The following ARHGEF17 variants were observed in gnomAD, a reference collection of about 807,000 sequenced individuals.
The protein encoded by ARHGEF17 is Rho guanine nucleotide exchange factor 17.
In ARHGEF17, 80 loss-of-function variants were observed where a neutral mutation model predicts 174.0. The observed-to-expected ratio is 0.46, with a 90% CI of 0.38 to 0.55. The LOEUF (loss-of-function observed/expected upper bound fraction) is 0.55. Ranked by LOEUF, ARHGEF17 falls within the 20% of genes least tolerant of loss-of-function variation. ARHGEF17 has a pLI of 0.00. For synonymous variants in ARHGEF17, 1,311 were observed against 1,189.1 expected, an observed-to-expected ratio of 1.10 and a Z score of -2.11; for missense variants, 2,886 against 2,839.7, an observed-to-expected ratio of 1.02 and a Z score of -0.37.
intron 2 of ARHGEF17, among the ~76,000 whole-genome samples, chr11:73,348,360 C>T (rs774266972): frequency 6.6e-6 from 1 of 152,120 alleles, no homozygotes; most frequent in African/African-American, 2.4e-5. Flanking sequence ...CAGTGACCAG[C>T]CAGACATCAA....
Position 73,360,326 on chromosome 11 carries a change from G to A in ARHGEF17, c.4213G>A (p.Asp1405Asn). Residue 1405 changes from aspartate to asparagine, a missense_variant, in exon 11 of 21, where the codon GAC becomes AAC. By Grantham distance (23) the Asp-to-Asn change is conservative. Around this residue, in one of 4 missense-constraint regions of ARHGEF17, gnomAD observed 476 missense variants for 473.1 expected, o/e 1.01. Transcript: ENST00000263674. ...ESLGFPHQSL[D>N]DALRDLSAAM... The stretch of plus-strand genomic sequence containing the variant: ...TGGGCCCTCTTCCCCACAGAGCCTG[G>A]ACGATGCACTGCGGGACCTCTCAGC... 1.2e-6 allele frequency: 2 copies of A among 1,613,610 alleles called. No individual in the cohort carries two copies. The highest frequency in any genetic ancestry group is 1.7e-6 in the Non-Finnish European group (2 of 1,180,046).
chr11:73,342,215 G>C (rs1015999866), intron 1 of ARHGEF17, among the ~76,000 whole-genome samples: 2 of 151,606 alleles, frequency 1.3e-5, no homozygotes, highest in African/African-American at 4.9e-5. Context: ...GTCTAGGGGT[G>C]GGGCGGATGG....
chr11:73,348,100 G>A (rs1320733000), intron 2 of ARHGEF17, among the ~76,000 whole-genome samples: 2 of 152,278 alleles, frequency 1.3e-5, no homozygotes, highest in Admixed American at 6.5e-5. Context: ...AGCTGAAGTG[G>A]GGCCTGGCAG....
chr11:73,342,917 C>T (rs1865395073), intron 1 of ARHGEF17: 2 of 164,538 alleles, frequency 1.2e-5, no homozygotes, highest in South Asian at 2.0e-4. Flanking sequence ...CCTGGCTCGC[C>T]GGGCGCACTC....
intron 11 of ARHGEF17, 68 bp from the exon 12 acceptor site, chr11:73,361,020 G>C: frequency 7.4e-7 from 1 of 1,356,194 alleles, no homozygotes; most frequent in East Asian, 2.3e-5. Flanking sequence ...AATGGGGCAG[G>C]GGCAGGACCA....
chr11:73,341,546 A>T (rs1865369202), intron 1 of ARHGEF17, among the ~76,000 whole-genome samples: 1 of 152,122 alleles, frequency 6.6e-6, no homozygotes, highest in African/African-American at 2.4e-5. Context: ...TCCCAACCTC[A>T]GGTGATCTGC....
At chr11:73,334,135 G>A (rs1865251920) in intron 1 of ARHGEF17, among the ~76,000 whole-genome samples, 1 of 152,200 alleles carries the variant, frequency 6.6e-6, no homozygotes, top group Admixed American at 6.5e-5. Context: ...TGGGCAGCTT[G>A]CCTGAGTGCA....
rs111983158 is a variant in ARHGEF17, at chr11:73,362,857, C to A, written c.4996+123C>A. On this transcript the variant is annotated intron_variant, in intron 14 of 20. Transcript: ENST00000263674. ...CGTCAGACCTCAGGATGTTAGCACACAGAGCAATGAGGGCAGGGGATGTGA... is the reference window on the plus strand; with the variant it reads ...CGTCAGACCTCAGGATGTTAGCACAAAGAGCAATGAGGGCAGGGGATGTGA... 5.5e-4 allele frequency: 689 copies of A among 1,246,918 alleles called. 2 individuals carry two copies. In the African/African-American group the frequency reaches 9.4e-3, roughly 17 times the overall value. The allele number at this position is 1,246,918 out of a possible 1,614,324, so 77.2% of individuals were successfully genotyped here. A position where few individuals can be genotyped will look rare whatever the true frequency, so the allele number is the denominator to read the frequency against.
rs188921972 is a variant in ARHGEF17, at chr11:73,368,097, A to G, written c.*317A>G. 3.9e-4 allele frequency: 114 copies of G among 296,054 alleles called. No homozygotes were observed. The highest frequency in any genetic ancestry group is 1.5e-3 in the East Asian group (26 of 17,750). 18.3% of individuals were successfully genotyped at this position (296,054 alleles called of 1,614,324 possible). A position where few individuals can be genotyped will look rare whatever the true frequency, so the allele number is the denominator to read the frequency against. ...GGGTCTGGACCCCACGGGGCTGGGGAGGGCCATGTGCAATATTTGGAGGGT... is the reference window on the plus strand; with the variant it reads ...GGGTCTGGACCCCACGGGGCTGGGGGGGGCCATGTGCAATATTTGGAGGGT... On this transcript the variant is annotated 3_prime_UTR_variant, in exon 21 of 21. Coordinates refer to ENST00000263674, the MANE Select transcript of ARHGEF17 (RefSeq NM_014786.4).
At position 73,368,500 on chromosome 11, in the gene ARHGEF17, T is replaced by C. The variant is rs1404085089; in HGVS notation, c.*720T>C. 6.6e-6 allele frequency: 1 copy of C among 152,222 alleles called. No homozygotes were observed. Among genetic ancestry groups the C allele is most frequent in the African/African-American group, 2.4e-5 (1 of 41,448 alleles). The allele number at this position is 152,222 out of a possible 1,614,324, so 9.4% of individuals were successfully genotyped here. A position where few individuals can be genotyped will look rare whatever the true frequency, so the allele number is the denominator to read the frequency against. ...GACTATTAGGGGGCAGTGATTGCCA[T>C]CTGGGGACCTGTCAGGCTTTGTCAT... On this transcript the variant is annotated 3_prime_UTR_variant, in exon 21 of 21. Transcript: ENST00000263674.
At chr11:73,364,127 T>G in intron 16 of ARHGEF17, 45 bp from the exon 17 acceptor site, 1 of 1,603,412 alleles carries the variant, frequency 6.2e-7, no homozygotes, top group Non-Finnish European at 8.5e-7. Context: ...GTGACCCACT[T>G]TGGCTGCCTG....
chr11:73,311,700 C>T lies in ARHGEF17; in HGVS notation c.3062C>T (p.Ala1021Val). The change falls in exon 1 of 21, where the codon GCC becomes GTC. Residue 1021 changes from alanine to valine, a missense_variant. Transcript: ENST00000263674. ...AACCTGCACTCCGGTGAGGTCCCTG[C>T]CCCAGTGCCAGTGGACATGCCCTGC... is the stretch of plus-strand genomic sequence containing the variant. ...MLNLHSGEVP[A>V]PVPVDMPCLP... 1.9e-6 allele frequency: 3 copies of T among 1,613,370 alleles called. No individual in the cohort carries two copies. Among genetic ancestry groups the T allele is most frequent in the Non-Finnish European group, 8.5e-7 (1 of 1,180,036 alleles).
intron 4 of ARHGEF17, 39 bp from the exon 5 acceptor site, chr11:73,355,822 C>A: frequency 6.2e-7 from 1 of 1,610,700 alleles, no homozygotes; most frequent in Admixed American, 1.7e-5. Context: ...GTCTTCCTGG[C>A]ATGTCATTCC....
At chr11:73,318,192 G>C (rs999414024) in intron 1 of ARHGEF17, among the ~76,000 whole-genome samples, 15 of 152,060 alleles carry the variant, frequency 9.9e-5, no homozygotes, top group African/African-American at 3.6e-4. Context: ...CTCAGGCCTG[G>C]GTCTACCCGC....
At chr11:73,327,349 C>T (rs1865118918) in intron 1 of ARHGEF17, among the ~76,000 whole-genome samples, 1 of 152,240 alleles carries the variant, frequency 6.6e-6, no homozygotes, top group Admixed American at 6.5e-5. Flanking sequence ...GTCCAGGAAT[C>T]GTCCTGACTC....
In ARHGEF17 at chr11:73,310,294, G is replaced by A. The variant is rs145303683; in HGVS notation, c.1656G>A (p.Lys552=). ...CAAAGTCATTCACCTGCTCTGAGAA[G>A]CCCATGGCCCGCCGCCTGCCCCGCA... The part of the protein sequence containing the change: ...RRAKSFTCSE[K]PMARRLPRTS... Residue 552 remains lysine (K), a synonymous_variant, in exon 1 of 21, where the codon AAG becomes AAA. Transcript: ENST00000263674. 62 of 1,613,864 alleles carry A rather than the reference G, an allele frequency of 3.8e-5. No homozygotes were observed. The African/African-American group carries it at 7.9e-4, about 20-fold the overall frequency.
Position 73,327,221 on chromosome 11 carries a change from C to T in ARHGEF17, c.3192+15391C>T, listed in dbSNP as rs1196480333. ...TGCCCCCTGCTGACACCTGGAAGGACACAGGCCCTTTGAGGGAGGTAGGAG... is the reference window on the plus strand; with the variant it reads ...TGCCCCCTGCTGACACCTGGAAGGATACAGGCCCTTTGAGGGAGGTAGGAG... On this transcript the variant is annotated intron_variant, in intron 1 of 20. Transcript: ENST00000263674. 2.8e-4 allele frequency among the ~76,000 whole-genome samples: 42 copies of T among 152,124 alleles called. 2 individuals are homozygous for T. The highest frequency in any genetic ancestry group is 2.7e-3 in the Admixed American group (42 of 15,278).
In ARHGEF17 at chr11:73,339,120, C is replaced by T. The variant is rs539672782; in HGVS notation, c.3193-7763C>T. On this transcript the variant is annotated intron_variant, in intron 1 of 20. Coordinates refer to ENST00000263674, the MANE Select transcript of ARHGEF17 (RefSeq NM_014786.4). The stretch of plus-strand genomic sequence containing the variant: ...CTGATGAGGCCTGCTGCCCCAGTAC[C>T]GGCATTTCTCCTTCACCACCTGCAT... Among the ~76,000 whole-genome samples, 40 of 152,262 alleles carry T rather than the reference C, an allele frequency of 2.6e-4. No individual in the cohort carries two copies. The South Asian group carries it at 8.1e-3, about 31-fold the overall frequency.
chr11:73,343,931 C>T (rs1200992224), intron 1 of ARHGEF17, among the ~76,000 whole-genome samples: 1 of 152,172 alleles, frequency 6.6e-6, no homozygotes, highest in African/African-American at 2.4e-5. Flanking sequence ...CGTGACCTGG[C>T]TGCGTTTTTT....
Sources: gnomAD v4.1 joint callset for allele counts (sites outside exome capture counted in the v4.1 genomes callset) on GRCh38, gnomAD v4.1.1 for gene constraint, gnomAD v4.1.1 regional missense constraint, MANE v1.5 for transcripts, NCBI Gene and HGNC (gene_info 2026-07-23, HGNC 2026-07-21) for gene names.